Variants in CADM2 observed in about 807,000 individuals in gnomAD.
The protein encoded by CADM2 is cell adhesion molecule 2, also known as immunoglobulin superfamily member 4D.
In CADM2, 12 loss-of-function variants were observed where a neutral mutation model predicts 49.8. That is an observed-to-expected ratio of 0.24 (90% CI 0.15 to 0.39). The LOEUF (loss-of-function observed/expected upper bound fraction) is 0.39, where lower values mean the gene tolerates loss of function less well. Among genes scored for constraint, CADM2 ranks in the 10% least tolerant of loss-of-function variants. CADM2 has a pLI of 1.00. For missense variants in CADM2, 378 were observed against 492.3 expected, an observed-to-expected ratio of 0.77 and a Z score of 2.20; for synonymous variants, 214 against 175.4, an observed-to-expected ratio of 1.22 and a Z score of -1.74.
At chr3:85,921,642 C>G (rs1484043913) in intron 6 of CADM2, among the ~76,000 whole-genome samples, 1 of 151,980 alleles carries the variant, frequency 6.6e-6, no homozygotes, top group East Asian at 1.9e-4. Context: ...AACTGAAGAA[C>G]TAATATTGAT....
chr3:85,777,522 T>G (rs941586475), intron 2 of CADM2, among the ~76,000 whole-genome samples: 3 of 152,126 alleles, frequency 2.0e-5, no homozygotes, highest in African/African-American at 4.8e-5. Context: ...CCCAAAGTGC[T>G]GGGATTAAAG....
intron 8 of CADM2, among the ~76,000 whole-genome samples, chr3:85,964,121 G>GT (rs1328172382): frequency 6.6e-6 from 1 of 151,772 alleles, no homozygotes; most frequent in African/African-American, 2.4e-5. Flanking sequence ...TCTTTTAATG[G>GT]TTTGGCTGTT....
intron 9 of CADM2, among the ~76,000 whole-genome samples, chr3:86,066,353 AAAAAAG>A (rs1350076523): frequency 6.6e-6 from 1 of 150,382 alleles, no homozygotes; most frequent in Non-Finnish European, 1.5e-5. Flanking sequence ...AAAAAAAAAA[AAAAAAG>A]ATCTTAACAA....
At chr3:84,993,734 G>A (rs916813518) in intron 1 of CADM2, among the ~76,000 whole-genome samples, 3 of 152,028 alleles carry the variant, frequency 2.0e-5, no homozygotes, top group Admixed American at 6.6e-5. Context: ...GCTTTGTTTC[G>A]CTCATTCCAT....
chr3:85,395,736 A>G (rs868835275), intron 1 of CADM2, among the ~76,000 whole-genome samples: 8 of 151,996 alleles, frequency 5.3e-5, no homozygotes, highest in African/African-American at 1.9e-4. Flanking sequence ...AATCAATATG[A>G]AGTTTATATA....
At chr3:85,410,556 G>C (rs530008295) in intron 1 of CADM2, among the ~76,000 whole-genome samples, 2 of 152,164 alleles carry the variant, frequency 1.3e-5, no homozygotes, top group East Asian at 3.9e-4. Context: ...TTTTTAAAAA[G>C]GATTTGGCTT....
intron 1 of CADM2, among the ~76,000 whole-genome samples, chr3:85,711,936 G>A (rs1394287768): frequency 6.6e-6 from 1 of 152,138 alleles, no homozygotes; most frequent in East Asian, 1.9e-4. Context: ...GAAGTCAAAA[G>A]CCAGCAGCTC....
chr3:85,496,987 G>A (rs578091023), intron 1 of CADM2, among the ~76,000 whole-genome samples: 1 of 151,874 alleles, frequency 6.6e-6, no homozygotes. Context: ...GGGATTACAG[G>A]CATGTGCCGT....
At chr3:85,391,459 G>A (rs983416687) in intron 1 of CADM2, among the ~76,000 whole-genome samples, 12 of 152,000 alleles carry the variant, frequency 7.9e-5, no homozygotes, top group South Asian at 2.1e-4. Flanking sequence ...AAATTTTGTC[G>A]GAATAGTAAG....
intron 1 of CADM2, among the ~76,000 whole-genome samples, chr3:85,505,103 C>G (rs1229484979): frequency 6.6e-6 from 1 of 152,142 alleles, no homozygotes; most frequent in Non-Finnish European, 1.5e-5. Flanking sequence ...CCGGCCTTGG[C>G]CAGCCCAGGA....
At chr3:85,246,709 G>A (rs978210559) in intron 1 of CADM2, among the ~76,000 whole-genome samples, 1 of 151,586 alleles carries the variant, frequency 6.6e-6, no homozygotes. Flanking sequence ...AGTGAAACAG[G>A]CTAGGCAACT....
intron 2 of CADM2, among the ~76,000 whole-genome samples, chr3:85,754,166 G>C (rs373866478): frequency 6.6e-6 from 1 of 152,208 alleles, no homozygotes; most frequent in East Asian, 1.9e-4. Context: ...GTTAAATGTG[G>C]CCATTTTGTC....
intron 3 of CADM2, among the ~76,000 whole-genome samples, chr3:85,868,577 T>C (rs2075807024): frequency 6.6e-6 from 1 of 152,144 alleles, no homozygotes; most frequent in Non-Finnish European, 1.5e-5. Context: ...ATTGGTTGGT[T>C]ATGAAATTTT....
intron 1 of CADM2, among the ~76,000 whole-genome samples, chr3:85,310,036 G>A (rs1269494442): frequency 4.6e-5 from 7 of 152,146 alleles, no homozygotes; most frequent in Non-Finnish European, 1.0e-4. Context: ...TGATTTTGGT[G>A]TATCTCTTCT....
chr3:85,560,823 GA>G (rs1029766245), intron 1 of CADM2, among the ~76,000 whole-genome samples: 5 of 152,010 alleles, frequency 3.3e-5, no homozygotes, highest in African/African-American at 7.2e-5. Context: ...AAACAAACAG[GA>G]AAAAAAGTAG....
intron 1 of CADM2, among the ~76,000 whole-genome samples, chr3:85,119,280 G>A (rs1462177140): frequency 6.6e-6 from 1 of 151,938 alleles, no homozygotes; most frequent in Non-Finnish European, 1.5e-5. Flanking sequence ...ACATACATGC[G>A]GACCTATAGT....
chr3:85,229,443 C>T (rs752330668), intron 1 of CADM2, among the ~76,000 whole-genome samples: 38 of 152,290 alleles, frequency 2.5e-4, no homozygotes, highest in Non-Finnish European at 4.7e-4. Context: ...TGCTTCAACT[C>T]GCCCTCGGTG....
chr3:85,400,562 G>A (rs1008153486), intron 1 of CADM2, among the ~76,000 whole-genome samples: 3 of 152,126 alleles, frequency 2.0e-5, no homozygotes, highest in Non-Finnish European at 2.9e-5. Flanking sequence ...GAATTCGGCT[G>A]TGAATCCATC....
intron 1 of CADM2, among the ~76,000 whole-genome samples, chr3:85,645,467 CT>C (rs1187793770): frequency 6.6e-6 from 1 of 151,932 alleles, no homozygotes; most frequent in Non-Finnish European, 1.5e-5. Flanking sequence ...TCCTCTCTCA[CT>C]TTGTTTTTAC....
Sources: allele counts gnomAD v4.1 joint callset (sites outside exome capture counted in the v4.1 genomes callset), GRCh38; gene constraint gnomAD v4.1.1; transcripts MANE v1.5; gene names NCBI Gene and HGNC (gene_info 2026-07-23, HGNC 2026-07-21).